The following KMT2C variants were observed in gnomAD, a reference collection of about 807,000 sequenced individuals.
The protein encoded by KMT2C is lysine methyltransferase 2C.
Under a neutral mutation model 507.9 loss-of-function variants are expected in KMT2C, and 88 were observed. The observed-to-expected ratio is 0.17, with a 90% CI of 0.15 to 0.21. KMT2C has a LOEUF of 0.21. Ranked by LOEUF, KMT2C falls within the 10% of genes least tolerant of loss-of-function variation. The pLI is 1.00. For missense variants in KMT2C, 4,954 were observed against 5,957.8 expected (o/e 0.83, Z 5.55); for synonymous variants, 2,049 against 2,080.8 (o/e 0.98, Z 0.42).
At chr7:152,237,328 G>A (rs79268014) in intron 15 of KMT2C, among the ~76,000 whole-genome samples, 3 of 151,652 alleles carry the variant, frequency 2.0e-5, no homozygotes, top group South Asian at 2.1e-4. Context: ...CAAAAGGAAC[G>A]GGAGGAATGG....
At chr7:152,171,494 A>G (rs2092961307) in intron 39 of KMT2C, 152 bp from the exon 40 acceptor site, 1 of 547,644 alleles carries the variant, frequency 1.8e-6, no homozygotes, top group Non-Finnish European at 3.2e-6. Flanking sequence ...CCTACCTTTC[A>G]TGTACTGGGC....
At chr7:152,186,490 T>C (rs1164089595) in intron 33 of KMT2C, among the ~76,000 whole-genome samples, 2 of 152,180 alleles carry the variant, frequency 1.3e-5, no homozygotes, top group Non-Finnish European at 2.9e-5. Context: ...ATAAAAAGCA[T>C]TTCATTTATT....
intron 43 of KMT2C, among the ~76,000 whole-genome samples, chr7:152,159,904 G>A (rs993228722): frequency 2.0e-5 from 3 of 152,122 alleles, no homozygotes; most frequent in Admixed American, 6.6e-5. Flanking sequence ...CTGAAAATTA[G>A]TTTCCAGTTA....
chr7:152,146,979 A>C (rs2091163251), intron 52 of KMT2C, among the ~76,000 whole-genome samples: 1 of 152,228 alleles, frequency 6.6e-6, no homozygotes, highest in Non-Finnish European at 1.5e-5. Context: ...GAAAAAACTT[A>C]ATGTAACTGA....
At chr7:152,374,921 G>GA (rs1418935522) in intron 1 of KMT2C, among the ~76,000 whole-genome samples, 11 of 151,076 alleles carry the variant, frequency 7.3e-5, no homozygotes, top group Non-Finnish European at 1.5e-4. Flanking sequence ...AAAACACAAG[G>GA]AAAAAAATCC....
chr7:152,155,838 C>A (rs963117371), intron 46 of KMT2C, 72 bp downstream of exon 46: 126 of 1,405,690 alleles, frequency 9.0e-5, no homozygotes, highest in Admixed American at 3.4e-4. Flanking sequence ...AGACATTATG[C>A]CACATACATA....
rs1453940166 is a variant in KMT2C at position 152,180,764 on chromosome 7, C to T, written c.7096G>A (p.Asp2366Asn). 4 of 1,614,086 alleles carry T rather than the reference C, an allele frequency of 2.5e-6. No homozygotes were observed. The highest frequency in any genetic ancestry group is 3.4e-6 in the Non-Finnish European group (4 of 1,180,010). The change falls in exon 36 of 59, where the codon GAT (aspartate) becomes AAT (asparagine). Residue 2366 changes from aspartate to asparagine, a missense_variant. By Grantham distance (23) the Asp-to-Asn change is conservative. Around this residue, in one of 29 missense-constraint regions of KMT2C, gnomAD observed 1,689 missense variants for 1,654.3 expected, o/e 1.02. Transcript: ENST00000262189. ...GCCATATTTACAGTATTCTGTGTATCAGTTACTCCTGAAGTTGGCACAGGT... is the reference window on the plus strand; with the variant it reads ...GCCATATTTACAGTATTCTGTGTATTAGTTACTCCTGAAGTTGGCACAGGT... The part of the protein sequence containing the change: ...PGPVPTSGVT[D>N]TQNTVNMAQA...
intron 6 of KMT2C, among the ~76,000 whole-genome samples, chr7:152,286,098 G>C (rs1172797881): frequency 6.6e-6 from 1 of 152,230 alleles, no homozygotes; most frequent in Non-Finnish European, 1.5e-5. Flanking sequence ...GAAAATACAT[G>C]AATAGTGTAT....
rs761131667 is a variant in KMT2C, at chr7:152,176,802, C to T, written c.8651G>A (p.Arg2884Gln). Residue 2884 changes from arginine (R) to glutamine (Q), a missense_variant, in exon 38 of 59, where the codon CGA becomes CAA. This residue lies in a region of KMT2C where 1,689 missense variants were observed against 1,654.3 expected (regional missense o/e 1.02). Transcript: ENST00000262189. ...ATTTGCACTGGGGCCAGCAGTTTCTCGATTGGTTCTTTTCTCAAATAGATC... is the reference window on the plus strand; with the variant it reads ...ATTTGCACTGGGGCCAGCAGTTTCTTGATTGGTTCTTTTCTCAAATAGATC... ...DPDLFEKRTNRETAGPSANVI... is the reference protein window; with the variant it reads ...DPDLFEKRTNQETAGPSANVI... 11 of 1,614,026 alleles carry T rather than the reference C, an allele frequency of 6.8e-6. No individual in the cohort carries two copies. The African/African-American group carries it at 1.3e-4, about 20-fold the overall frequency.
intron 9 of KMT2C, among the ~76,000 whole-genome samples, chr7:152,258,520 CTGTTGT>C (rs890652824): frequency 8.6e-5 from 13 of 151,572 alleles, no homozygotes; most frequent in African/African-American, 2.4e-4. Context: ...GTTGTTGTTG[CTGTTGT>C]TGTTGTTGTT....
intron 7 of KMT2C, among the ~76,000 whole-genome samples, chr7:152,271,638 C>T (rs1336748346): frequency 7.7e-6 from 1 of 129,902 alleles, no homozygotes; most frequent in Non-Finnish European, 1.5e-5. Context: ...CATGCCACTG[C>T]ATTCCAGCCA....
At chr7:152,188,238 C>A (rs1407107330) in intron 31 of KMT2C, among the ~76,000 whole-genome samples, 33 of 152,140 alleles carry the variant, frequency 2.2e-4, no homozygotes, top group Admixed American at 2.1e-3. Context: ...GAAATATGAT[C>A]TCTACAGCTG....
chr7:152,290,451 A>G (rs1431665503), intron 6 of KMT2C, among the ~76,000 whole-genome samples: 1 of 150,244 alleles, frequency 6.7e-6, no homozygotes, highest in Non-Finnish European at 1.5e-5. Context: ...ATGGGACTGC[A>G]GGTGCCTGCT....
chr7:152,327,733 T>C lies in KMT2C; in HGVS notation c.389+2868A>G, dbSNP rs1402191308. Among the ~76,000 whole-genome samples, 11 of 151,558 alleles carry C rather than the reference T, an allele frequency of 7.3e-5. No individual in the cohort carries two copies. The South Asian group carries it at 1.0e-3, about 14-fold the overall frequency. Reference sequence around the variant, plus strand: ...CAACACTTTGGGAGGCCAAGGCGGGTGGATCACGAGGTCAGGAGATCAAGG... The same window carrying C: ...CAACACTTTGGGAGGCCAAGGCGGGCGGATCACGAGGTCAGGAGATCAAGG... On this transcript the variant is annotated intron_variant, in intron 3 of 58. Coordinates refer to ENST00000262189, the MANE Select transcript of KMT2C (RefSeq NM_170606.3).
chr7:152,330,152 G>C (rs1346991396), intron 3 of KMT2C, among the ~76,000 whole-genome samples: 2 of 129,370 alleles, frequency 1.5e-5, no homozygotes, highest in Non-Finnish European at 3.3e-5. Flanking sequence ...CAAAAAAAGG[G>C]AGGGGGGGAG....
chr7:152,169,392 A>G (rs1355998066), intron 40 of KMT2C, 143 bp from the exon 41 acceptor site: 1 of 613,380 alleles, frequency 1.6e-6, no homozygotes, highest in African/African-American at 1.9e-5. Context: ...TTTTTTTATA[A>G]AAAGTAGAGT....
At chr7:152,400,087 T>C (rs571864953) in intron 1 of KMT2C, among the ~76,000 whole-genome samples, 1 of 151,254 alleles carries the variant, frequency 6.6e-6, no homozygotes, top group African/African-American at 2.5e-5. Flanking sequence ...GATGGGCGGA[T>C]CACGAGGTCA....
Position 152,229,517 on chromosome 7 carries a change from T to C in KMT2C, c.2976+406A>G, listed in dbSNP as rs1563491456. The stretch of plus-strand genomic sequence containing the variant: ...TTCTTTTGGCTATAAGGAGAAAATG[T>C]CATTTTGTATACGAGTGAGCATAGA... On this transcript the variant is annotated intron_variant, in intron 18 of 58. Coordinates refer to ENST00000262189, the MANE Select transcript of KMT2C (RefSeq NM_170606.3). Among the ~76,000 whole-genome samples the C allele has an allele frequency of 2.0e-5, 3 of 152,194 alleles. No individual in the cohort carries two copies. In the South Asian group the frequency reaches 6.2e-4, roughly 32 times the overall value.
intron 55 of KMT2C, among the ~76,000 whole-genome samples, chr7:152,141,755 A>G (rs933087395): frequency 5.3e-5 from 8 of 151,196 alleles, no homozygotes; most frequent in African/African-American, 1.9e-4. Context: ...ACGGGGGCTC[A>G]TGCCTGTAAT....
Sources: allele counts gnomAD v4.1 joint callset (sites outside exome capture counted in the v4.1 genomes callset), GRCh38; gene constraint gnomAD v4.1.1; regional missense constraint gnomAD v4.1.1; transcripts MANE v1.5; gene names NCBI Gene and HGNC (gene_info 2026-07-23, HGNC 2026-07-21).